IFT43: variants seen among roughly 807,000 people sequenced by gnomAD.
IFT43 encodes intraflagellar transport 43, also known as intraflagellar transport protein 43 homolog.
IFT43 carries 33 observed loss-of-function variants against 32.3 expected under a neutral mutation model. The ratio of observed to expected loss-of-function variants is 1.02; its 90% confidence interval spans 0.77 to 1.37. IFT43 has a LOEUF of 1.37. Among genes scored for constraint, IFT43 ranks in the 40% most tolerant of loss-of-function variants. The pLI, the probability that IFT43 is intolerant of heterozygous loss-of-function variation, is 0.00. For missense variants in IFT43, 274 were observed against 265.9 expected, an observed-to-expected ratio of 1.03 and a Z score of -0.21; for synonymous variants, 93 against 98.2, an observed-to-expected ratio of 0.95 and a Z score of 0.31.
rs1172328141 is a variant in IFT43, at chr14:76,022,392, G to A, written c.213G>A (p.Ser71=). 2.5e-6 allele frequency: 4 copies of A among 1,593,306 alleles called. No homozygotes were observed. The highest frequency in any genetic ancestry group is 2.6e-6 in the Non-Finnish European group (3 of 1,161,218). Residue 71 remains serine, a splice_region_variant and synonymous_variant, in exon 3 of 9, where the codon TCG becomes TCA. Transcript: ENST00000314067. ...GGWAGDSVKA[S]KFRRKASEEI... ...GGGCAGGTGATTCCGTGAAGGCTTC[G>A]AAGTGAGTACCAGCAGCTCATAAGA...
At chr14:75,988,816 C>T in intron 1 of IFT43, 69 bp from the exon 2 acceptor site, 1 of 1,610,294 alleles carries the variant, frequency 6.2e-7, no homozygotes, top group South Asian at 1.1e-5. Context: ...CTGCGCCCGG[C>T]TGGATTGTCA....
chr14:75,985,962 C>G, intron 1 of IFT43, 122 bp downstream of exon 1: 5 of 1,536,140 alleles, frequency 3.3e-6, no homozygotes, highest in Non-Finnish European at 3.5e-6. Flanking sequence ...CCGGGTGAGG[C>G]CCAGAAGGAG....
chr14:76,057,827 A>G (rs1295674140), intron 3 of IFT43, among the ~76,000 whole-genome samples: 2 of 152,246 alleles, frequency 1.3e-5, no homozygotes, highest in Non-Finnish European at 2.9e-5. Context: ...GGAAGTTTTC[A>G]GACATACAAA....
At chr14:76,011,812 C>T (rs905085515) in intron 2 of IFT43, among the ~76,000 whole-genome samples, 5 of 151,984 alleles carry the variant, frequency 3.3e-5, no homozygotes, top group African/African-American at 7.3e-5. Flanking sequence ...GTTGTCAGAC[C>T]CAGGGTTGAG....
chr14:76,079,703 G>A lies in IFT43; in HGVS notation c.296-2592G>A, dbSNP rs1057384. On this transcript the variant is annotated intron_variant, in intron 5 of 8. Coordinates refer to ENST00000314067, the MANE Select transcript of IFT43 (RefSeq NM_001102564.3). ...TTAAAATGGTGGTTGCTTTTCAAAA[G>A]TACCAGAACCGACTCCTGTCTTCCT... is the stretch of plus-strand genomic sequence containing the variant. Among the ~76,000 whole-genome samples the A allele has an allele frequency of 3.3e-3, 498 of 152,308 alleles. 1 individual carries two copies. The highest frequency in any genetic ancestry group is 0.011 in the African/African-American group (472 of 41,562).
At chr14:76,065,530 C>T (rs530492164) in intron 5 of IFT43, among the ~76,000 whole-genome samples, 6 of 152,134 alleles carry the variant, frequency 3.9e-5, no homozygotes, top group Non-Finnish European at 8.8e-5. Context: ...CAGAAAACTA[C>T]TAATGTGTTG....
At chr14:76,082,949 C>T (rs192231490) in intron 7 of IFT43, among the ~76,000 whole-genome samples, 1 of 152,338 alleles carries the variant, frequency 6.6e-6, no homozygotes, top group African/African-American at 2.4e-5. Flanking sequence ...GATGGCACCC[C>T]ACTCCCCTCT....
intron 3 of IFT43, among the ~76,000 whole-genome samples, chr14:76,027,639 G>T (rs925008082): frequency 6.6e-6 from 1 of 150,838 alleles, no homozygotes; most frequent in Admixed American, 6.6e-5. Context: ...AACCCGGGAA[G>T]TGGAGCTTGC....
At chr14:76,065,000 T>C (rs1038364380) in intron 5 of IFT43, among the ~76,000 whole-genome samples, 1 of 152,212 alleles carries the variant, frequency 6.6e-6, no homozygotes, top group African/African-American at 2.4e-5. Context: ...CACTGAAGTT[T>C]ACACATGTTA....
intron 2 of IFT43, among the ~76,000 whole-genome samples, chr14:76,013,458 A>G (rs1488532060): frequency 1.3e-5 from 2 of 152,200 alleles, no homozygotes; most frequent in Non-Finnish European, 2.9e-5. Context: ...TGGTCATAAA[A>G]CGAGCAACAG....
Position 76,083,684 on chromosome 14 carries a change from T to A in IFT43, c.*107T>A. The stretch of plus-strand genomic sequence containing the variant: ...CTGGAATATTTTGTAATAAAAATAT[T>A]TATATTCAGTCAACCACATTGGATA... On this transcript the variant is annotated 3_prime_UTR_variant, in exon 9 of 9. Coordinates refer to ENST00000314067, the MANE Select transcript of IFT43 (RefSeq NM_001102564.3). 1 of 1,046,180 alleles carries A rather than the reference T, an allele frequency of 9.6e-7. No individual in the cohort carries two copies. Among genetic ancestry groups the A allele is most frequent in the South Asian group, 1.3e-5 (1 of 74,392 alleles). 64.8% of individuals were successfully genotyped at this position (1,046,180 alleles called of 1,614,324 possible).
intron 5 of IFT43, among the ~76,000 whole-genome samples, chr14:76,068,553 C>T (rs1250419275): frequency 2.0e-5 from 3 of 152,204 alleles, no homozygotes; most frequent in Non-Finnish European, 4.4e-5. Context: ...AGCCAGAACC[C>T]CAAATGACCT....
chr14:76,019,341 G>T (rs1209430934), intron 2 of IFT43, among the ~76,000 whole-genome samples: 1 of 150,594 alleles, frequency 6.6e-6, no homozygotes, highest in Non-Finnish European at 1.5e-5. Context: ...CTTCATTTTT[G>T]AATAATAGCT....
rs180927673 is a variant in IFT43 at position 76,034,081 on chromosome 14, T to C, written c.215+11687T>C. On this transcript the variant is annotated intron_variant, in intron 3 of 8. Transcript: ENST00000314067. The stretch of plus-strand genomic sequence containing the variant: ...AGAATTGACCCCGGAAAATAGCGTA[T>C]TCACCTTAAATTCTTTTTGGGTGAT... Among the ~76,000 whole-genome samples, 3 of 152,332 alleles carry C rather than the reference T, an allele frequency of 2.0e-5. No individual in the cohort carries two copies. The East Asian group carries it at 5.8e-4, about 29-fold the overall frequency.
At chr14:76,007,385 C>T (rs956755509) in intron 2 of IFT43, among the ~76,000 whole-genome samples, 3 of 152,074 alleles carry the variant, frequency 2.0e-5, no homozygotes, top group African/African-American at 7.2e-5. Context: ...TGATGGGGGC[C>T]GCCAGCCCAT....
intron 1 of IFT43, among the ~76,000 whole-genome samples, chr14:75,988,348 TGA>T (rs1039438368): frequency 6.5e-4 from 99 of 152,146 alleles, no homozygotes; most frequent in African/African-American, 2.3e-3. Flanking sequence ...GGCAACAGAG[TGA>T]GAACCTGTCT....
chr14:76,056,214 G>A (rs1000926503), intron 3 of IFT43, among the ~76,000 whole-genome samples: 9 of 152,310 alleles, frequency 5.9e-5, no homozygotes, highest in Admixed American at 2.6e-4. Flanking sequence ...CACTCAGTGC[G>A]CTCCCAGAAC....
chr14:75,994,378 CT>C (rs2035702958), intron 2 of IFT43, among the ~76,000 whole-genome samples: 1 of 152,118 alleles, frequency 6.6e-6, no homozygotes, highest in East Asian at 1.9e-4. Flanking sequence ...TCTTTATTTG[CT>C]TGGTCATTCG....
At chr14:76,042,436 C>A (rs56994023) in intron 3 of IFT43, among the ~76,000 whole-genome samples, 2,873 of 152,228 alleles carry the variant, frequency 0.019, 85 homozygotes, top group African/African-American at 0.066. Context: ...CGTGGTAGAA[C>A]CTCAGCAGAT....
Sources: allele counts gnomAD v4.1 joint callset (sites outside exome capture counted in the v4.1 genomes callset), GRCh38; gene constraint gnomAD v4.1.1; transcripts MANE v1.5; gene names NCBI Gene and HGNC (gene_info 2026-07-23, HGNC 2026-07-21).